Variants in ERCC1 observed in about 807,000 individuals in gnomAD.
ERCC1 encodes the protein ERCC excision repair 1, endonuclease non-catalytic subunit, also known as DNA excision repair protein ERCC-1.
ERCC1 carries 36 observed loss-of-function variants against 37.6 expected under a neutral mutation model. The observed-to-expected ratio is 0.96, with a 90% CI of 0.73 to 1.26. The LOEUF (loss-of-function observed/expected upper bound fraction) is 1.26. Ranked by LOEUF, ERCC1 falls within the 50% of genes most tolerant of loss-of-function variation. The pLI, the probability that ERCC1 is intolerant of heterozygous loss-of-function variation, is 0.00. For missense variants in ERCC1, 349 were observed against 376.5 expected (o/e 0.93, Z 0.60); for synonymous variants, 156 against 162.1 (o/e 0.96, Z 0.28).
In ERCC1 at chr19:45,421,288, C is replaced by T. The variant is rs779988753; in HGVS notation, c.211G>A (p.Gly71Arg). 3.7e-6 allele frequency: 6 copies of T among 1,614,098 alleles called. No individual in the cohort carries two copies. The highest frequency in any genetic ancestry group is 1.6e-4 in the Middle Eastern group (1 of 6,066). ...CCTGTGGGGCACGTGGCCCCAGCCC[C>T]TTCCAGAGGCTGTGAGATGGCATAT... ...AEYAISQPLE[G>R]AGATCPTGSE... The change falls in exon 3 of 10, where the codon GGG becomes AGG. Residue 71 changes from glycine to arginine, a missense_variant. Gly to Arg is a moderately radical substitution (Grantham distance 125). Coordinates refer to ENST00000300853, the MANE Select transcript of ERCC1 (RefSeq NM_001983.4).
chr19:45,427,449 A>G (rs566457109), upstream of ERCC1, among the ~76,000 whole-genome samples: 147 of 145,132 alleles, frequency 1.0e-3, no homozygotes, highest in Non-Finnish European at 1.4e-3. Flanking sequence ...TCTCTACTAA[A>G]AAATACAAAA....
At position 45,419,346 on chromosome 19, in the gene ERCC1, C is replaced by T. The variant is rs984039319; in HGVS notation, c.426-149G>A. On this transcript the variant is annotated intron_variant, in intron 4 of 9. Transcript: ENST00000300853. ...CCCACAGAGGGTAAGTCACTTGCCC[C>T]AGGTCACTCTTCCAAGAAGATGCTC... 1.1e-5 allele frequency: 7 copies of T among 664,862 alleles called. No individual in the cohort carries two copies. The Admixed American group carries it at 1.5e-4, about 14-fold the overall frequency. 41.2% of individuals were successfully genotyped at this position (664,862 alleles called of 1,614,324 possible).
At chr19:45,421,853 G>A (rs1306800933) in intron 2 of ERCC1, among the ~76,000 whole-genome samples, 2 of 151,868 alleles carry the variant, frequency 1.3e-5, no homozygotes, top group South Asian at 2.1e-4. Context: ...GGCTGATCTC[G>A]AACTCCTGAC....
intron 1 of ERCC1, among the ~76,000 whole-genome samples, chr19:45,442,921 C>T (rs1197294606): frequency 1.3e-5 from 2 of 152,056 alleles, no homozygotes; most frequent in Non-Finnish European, 2.9e-5. Flanking sequence ...AATGACATCT[C>T]AGGGACACAT....
rs766631599 is a variant in ERCC1 at position 45,423,257 on chromosome 19, C to T, written c.105+13G>A. The T allele has an allele frequency of 6.2e-7, 1 of 1,611,000 alleles. No homozygotes were observed. The stretch of plus-strand genomic sequence containing the variant: ...CCCCAGCCTCCCAGGGGCCCCGCAT[C>T]TCCTTGTCCTACCACTCCAGGAGGG... On this transcript the variant is annotated intron_variant, in intron 2 of 9. Coordinates refer to ENST00000300853, the MANE Select transcript of ERCC1 (RefSeq NM_001983.4).
intron 1 of ERCC1, among the ~76,000 whole-genome samples, chr19:45,446,207 T>A (rs1271334291): frequency 6.6e-6 from 1 of 152,156 alleles, no homozygotes; most frequent in Non-Finnish European, 1.5e-5. Flanking sequence ...GCTTGTTTTT[T>A]ATTTTAACAG....
chr19:45,426,491 C>A (rs573196873), upstream of ERCC1, among the ~76,000 whole-genome samples: 1 of 148,094 alleles, frequency 6.8e-6, no homozygotes, highest in Non-Finnish European at 1.5e-5. Context: ...GCAAAGGTTG[C>A]GGTGAGCTGA....
chr19:45,441,594 C>G (rs1157126590), intron 1 of ERCC1, among the ~76,000 whole-genome samples: 1 of 152,028 alleles, frequency 6.6e-6, no homozygotes, highest in African/African-American at 2.4e-5. Flanking sequence ...AGGCTGGTCT[C>G]AAACTCCTGA....
chr19:45,413,922 G>C, intron 8 of ERCC1, 41 bp downstream of exon 8: 1 of 1,598,228 alleles, frequency 6.3e-7, no homozygotes, highest in Non-Finnish European at 8.6e-7. Flanking sequence ...AAAAAGGCAA[G>C]GGGACAGAAA....
At chr19:45,438,430 T>C (rs939832482) in intron 1 of ERCC1, among the ~76,000 whole-genome samples, 79 of 152,186 alleles carry the variant, frequency 5.2e-4, no homozygotes, top group Admixed American at 1.4e-3. Context: ...TGGATCCATA[T>C]GTGTAATTTT....
chr19:45,425,559 G>A (rs536020617), upstream of ERCC1, among the ~76,000 whole-genome samples: 1 of 151,780 alleles, frequency 6.6e-6, no homozygotes, highest in Admixed American at 6.6e-5. Context: ...TAGTAGAGAC[G>A]GAGTTTCACC....
At chr19:45,449,637 C>T (rs1967052326) in intron 1 of ERCC1, among the ~76,000 whole-genome samples, 1 of 151,958 alleles carries the variant, frequency 6.6e-6, no homozygotes, top group Non-Finnish European at 1.5e-5. Flanking sequence ...TGCACTCTAG[C>T]CTGGGCAACA....
At chr19:45,435,401 A>T in intron 1 of ERCC1, among the ~76,000 whole-genome samples, 1 of 152,184 alleles carries the variant, frequency 6.6e-6, no homozygotes, top group African/African-American at 2.4e-5. Flanking sequence ...AAACAAACAA[A>T]CTAGGACTCC....
intron 9 of ERCC1, among the ~76,000 whole-genome samples, chr19:45,411,902 G>A (rs1334928440): frequency 6.6e-6 from 1 of 151,840 alleles, no homozygotes; most frequent in African/African-American, 2.4e-5. Context: ...TGTCACCCAG[G>A]CTGGAGTGCA....
At chr19:45,449,429 A>G (rs1337186772) in intron 1 of ERCC1, among the ~76,000 whole-genome samples, 2 of 152,134 alleles carry the variant, frequency 1.3e-5, no homozygotes, top group East Asian at 3.9e-4. Flanking sequence ...CCAAGGCAGG[A>G]AGATTGGGTG....
chr19:45,448,554 AAAG>A (rs1163122802), intron 1 of ERCC1, among the ~76,000 whole-genome samples: 4 of 152,100 alleles, frequency 2.6e-5, no homozygotes, highest in East Asian at 3.9e-4. Context: ...GTTCAGAAAA[AAAG>A]AAGAGAGAGG....
At chr19:45,418,207 G>C (rs1870998543) in intron 5 of ERCC1, among the ~76,000 whole-genome samples, 1 of 152,008 alleles carries the variant, frequency 6.6e-6, no homozygotes, top group Non-Finnish European at 1.5e-5. Flanking sequence ...AAATTAGCCG[G>C]TCATGGTGGT....
rs758456293 is a variant in ERCC1 at position 45,409,005 on chromosome 19, CGATGGAGCCAGTGGAGCCGGAGAT to C, written c.*646_*669del. 2 of 1,613,780 alleles carry C rather than the reference CGATGGAGCCAGTGGAGCCGGAGAT, an allele frequency of 1.2e-6. No homozygotes were observed. Among genetic ancestry groups the C allele is most frequent in the Admixed American group, 3.3e-5 (2 of 59,954 alleles). On this transcript the variant is annotated 3_prime_UTR_variant, in exon 10 of 10. Transcript: ENST00000300853. ...GCAATGATGGAGCCAGGGACGGAGG[CGATGGAGCCAGTGGAGCCGGAGAT>C]GAAGCCTCTGGAGTCCCCAGGGGGG...
intron 1 of ERCC1, among the ~76,000 whole-genome samples, chr19:45,429,806 A>G (rs1468264172): frequency 1.3e-5 from 2 of 151,976 alleles, no homozygotes; most frequent in Non-Finnish European, 2.9e-5. Flanking sequence ...ATTATTTGAG[A>G]CAGAGTCTCG....
Sources: allele counts gnomAD v4.1 joint callset (sites outside exome capture counted in the v4.1 genomes callset), GRCh38; gene constraint gnomAD v4.1.1; transcripts MANE v1.5; gene names NCBI Gene and HGNC (gene_info 2026-07-23, HGNC 2026-07-21).